Variants in CSE1L observed in about 807,000 individuals in gnomAD.
The protein encoded by CSE1L is chromosome segregation 1 like.
Under a neutral mutation model 120.4 loss-of-function variants are expected in CSE1L, and 24 were observed. The observed-to-expected ratio is 0.20, with a 90% confidence interval of 0.14 to 0.28. CSE1L has a LOEUF of 0.28. Ranked by LOEUF, CSE1L falls within the 10% of genes least tolerant of loss-of-function variation. The pLI, the probability that CSE1L is intolerant of heterozygous loss-of-function variation, is 1.00. For synonymous variants in CSE1L, 402 were observed against 398.3 expected (o/e 1.01, Z -0.11); for missense variants, 830 against 1,145.2 (o/e 0.72, Z 3.97).
intron 19 of CSE1L, among the ~76,000 whole-genome samples, 181 bp from the exon 20 acceptor site, chr20:49,090,561 A>G (rs947970226): frequency 1.3e-4 from 20 of 151,198 alleles, no homozygotes; most frequent in Admixed American, 9.3e-4. Flanking sequence ...CGTCTCAAAG[A>G]AAAAAAAAAT....
chr20:49,096,302 C>A, intron 24 of CSE1L, 47 bp from the exon 25 acceptor site: 1 of 1,440,874 alleles, frequency 6.9e-7, no homozygotes, highest in Non-Finnish European at 9.8e-7. Context: ...TTTGTATTGG[C>A]GCACCAAGAT....
At chr20:49,055,483 G>A (rs142247201) in intron 1 of CSE1L, among the ~76,000 whole-genome samples, 68 of 152,234 alleles carry the variant, frequency 4.5e-4, no homozygotes, top group African/African-American at 1.6e-3. Flanking sequence ...TTGGGATGCC[G>A]AGGCAGGAAA....
chr20:49,085,217 C>T, intron 15 of CSE1L, 66 bp from the exon 16 acceptor site: 2 of 1,203,248 alleles, frequency 1.7e-6, no homozygotes, highest in Non-Finnish European at 2.5e-6. Flanking sequence ...TAGTGGTTGC[C>T]AAGGGTAATC....
In CSE1L at chr20:49,072,399, T is replaced by A; in HGVS notation, c.882T>A (p.Val294=). The change falls in exon 9 of 25, where the codon GTT becomes GTA. Residue 294 remains valine (V), a synonymous_variant. Coordinates refer to ENST00000262982, the MANE Select transcript of CSE1L (RefSeq NM_001316.4). The stretch of plus-strand genomic sequence containing the variant: ...TCCAGCGATACCTGCCTCGTTTTGT[T>A]ACAGCCATCTGGAATTTACTAGTTA... The part of the protein sequence containing the change: ...EEFQRYLPRF[V]TAIWNLLVTT... The A allele has an allele frequency of 6.2e-7, 1 of 1,614,212 alleles. No individual in the cohort carries two copies. Among genetic ancestry groups the A allele is most frequent in the Admixed American group, 1.7e-5 (1 of 60,008 alleles).
At position 49,092,054 on chromosome 20, in the gene CSE1L, G is replaced by A; in HGVS notation, c.2374G>A (p.Val792Ile). ...KTTKFIKSFLVFINLYCIKYG... is the reference protein window; with the variant it reads ...KTTKFIKSFLIFINLYCIKYG... ...GCATCTTCTTTCAACAGGTTTTTTA[G>A]TCTTTATTAATTTGTATTGCATAAA... Residue 792 changes from valine to isoleucine, a missense_variant, in exon 22 of 25, where the codon GTC becomes ATC. Transcript: ENST00000262982. 1 of 1,556,070 alleles carries A rather than the reference G, an allele frequency of 6.4e-7. No homozygotes were observed. Among genetic ancestry groups the A allele is most frequent in the South Asian group, 1.1e-5 (1 of 87,144 alleles).
chr20:49,058,451 A>G lies in CSE1L; in HGVS notation c.-11-2A>G. ...TTATCCAAACCTTATTTTATATTTT[A>G]GATCCTATAGCAATGGAACTCAGCG... On this transcript the variant is annotated splice_acceptor_variant, in intron 1 of 24. Coordinates refer to ENST00000262982, the MANE Select transcript of CSE1L (RefSeq NM_001316.4). LOFTEE classifies it low-confidence loss of function (5UTR_SPLICE). 6.3e-7 allele frequency: 1 copy of G among 1,592,316 alleles called. No homozygotes were observed. Among genetic ancestry groups the G allele is most frequent in the East Asian group, 2.2e-5 (1 of 44,752 alleles).
At chr20:49,080,147 G>A (rs2091999693) in intron 14 of CSE1L, among the ~76,000 whole-genome samples, 2 of 151,978 alleles carry the variant, frequency 1.3e-5, no homozygotes, top group African/African-American at 2.4e-5. Context: ...AAATCTGGGG[G>A]CTTGATTAGA....
intron 8 of CSE1L, 72 bp from the exon 9 acceptor site, chr20:49,072,204 TAGTTCAGGAA>T: frequency 7.1e-7 from 1 of 1,412,490 alleles, no homozygotes; most frequent in Non-Finnish European, 9.8e-7. Context: ...ATAAAGAGTC[TAGTTCAGGAA>T]TTTCAGTTAC....
chr20:49,071,052 C>G (rs2091928050), intron 8 of CSE1L, among the ~76,000 whole-genome samples: 1 of 152,206 alleles, frequency 6.6e-6, no homozygotes, highest in Non-Finnish European at 1.5e-5. Flanking sequence ...AAACATATAA[C>G]ACTTATTCTG....
At chr20:49,050,507 A>G (rs1316202168) in intron 1 of CSE1L, among the ~76,000 whole-genome samples, 2 of 149,586 alleles carry the variant, frequency 1.3e-5, no homozygotes, top group East Asian at 3.9e-4. Flanking sequence ...GGTTCAAGCA[A>G]TTCTCCTGTC....
At chr20:49,061,861 CAG>C (rs1011745021) in intron 2 of CSE1L, among the ~76,000 whole-genome samples, 4 of 151,986 alleles carry the variant, frequency 2.6e-5, no homozygotes, top group East Asian at 1.9e-4. Flanking sequence ...GTATTCAGGA[CAG>C]AGTATAAAAA....
In CSE1L at chr20:49,096,337, C is replaced by T. The variant is rs1272178491; in HGVS notation, c.2827-12C>T. The T allele has an allele frequency of 1.9e-6, 3 of 1,607,550 alleles. No individual in the cohort carries two copies. The highest frequency in any genetic ancestry group is 2.6e-6 in the Non-Finnish European group (3 of 1,174,204). On this transcript the variant is annotated splice_polypyrimidine_tract_variant and intron_variant, in intron 24 of 24. Coordinates refer to ENST00000262982, the MANE Select transcript of CSE1L (RefSeq NM_001316.4). ...TCTCCAACAGCCAGTGTGTGTTTCC[C>T]ATCTCTTGTAGGTTCCATCAATGGT...
chr20:49,085,052 T>C (rs2075679), intron 15 of CSE1L, among the ~76,000 whole-genome samples: 61,444 of 151,992 alleles, frequency 0.4, 12,504 homozygotes, highest in Middle Eastern at 0.51. Flanking sequence ...CAGATGTTGT[T>C]GGGTTTAGCT....
In CSE1L at chr20:49,046,343, G is replaced by C. The variant is rs1014721863; in HGVS notation, c.-92G>C. The C allele has an allele frequency of 1.3e-5, 2 of 152,504 alleles. No individual in the cohort carries two copies. The highest frequency in any genetic ancestry group is 4.8e-5 in the African/African-American group (2 of 41,482). 9.4% of individuals were successfully genotyped at this position (152,504 alleles called of 1,614,324 possible). ...CCATTTTGCCGGGGTTTGAATGTGA[G>C]GCGGAGCGGCGGCAGGAGCGGGTAG... On this transcript the variant is annotated 5_prime_UTR_variant, in exon 1 of 25. Coordinates refer to ENST00000262982, the MANE Select transcript of CSE1L (RefSeq NM_001316.4).
intron 14 of CSE1L, among the ~76,000 whole-genome samples, chr20:49,080,824 A>G (rs1319684101): frequency 2.6e-5 from 4 of 152,106 alleles, no homozygotes; most frequent in Admixed American, 6.6e-5. Context: ...TGGCCAGTCT[A>G]GAGTGAACTA....
chr20:49,056,794 T>A (rs921465549), intron 1 of CSE1L, among the ~76,000 whole-genome samples: 12 of 152,168 alleles, frequency 7.9e-5, no homozygotes, highest in Admixed American at 7.2e-4. Context: ...TTTTGAAATA[T>A]GTATACATTG....
chr20:49,049,111 C>T (rs1161992913), intron 1 of CSE1L, among the ~76,000 whole-genome samples: 2 of 152,098 alleles, frequency 1.3e-5, no homozygotes, highest in African/African-American at 2.4e-5. Flanking sequence ...TATTGTGATG[C>T]TTTTTTAAGT....
Position 49,053,658 on chromosome 20 carries a change from T to C in CSE1L, c.-11-4795T>C, listed in dbSNP as rs903887921. Reference sequence around the variant, plus strand: ...GAGCCACCACACCTGGCCCAAACTTTCATGATTTCATAACTGATCCACCAT... The same window carrying C: ...GAGCCACCACACCTGGCCCAAACTTCCATGATTTCATAACTGATCCACCAT... On this transcript the variant is annotated intron_variant, in intron 1 of 24. Transcript: ENST00000262982. Among the ~76,000 whole-genome samples, 9 of 152,130 alleles carry C rather than the reference T, an allele frequency of 5.9e-5. No individual in the cohort carries two copies. In the East Asian group the frequency reaches 1.5e-3, roughly 26 times the overall value.
chr20:49,047,564 C>CTTTTTTTTTTTT lies in CSE1L; in HGVS notation c.-12+1158_-12+1169dup, dbSNP rs59986218. ...TCTTTTTCTTTTTCTTTTCTCTTTT[C>CTTTTTTTTTTTT]TTTTTTTTTTTTTTTTTTTTTTTTT... On this transcript the variant is annotated intron_variant, in intron 1 of 24. Coordinates refer to ENST00000262982, the MANE Select transcript of CSE1L (RefSeq NM_001316.4). Among the ~76,000 whole-genome samples the CTTTTTTTTTTTT allele has an allele frequency of 5.2e-3, 360 of 69,820 alleles. 44 individuals are homozygous for CTTTTTTTTTTTT. The highest frequency in any genetic ancestry group is 0.011 in the African/African-American group (137 of 12,964). The allele number at this position is 69,820 out of a possible 152,430, so 45.8% of individuals were successfully genotyped here. A position where few individuals can be genotyped will look rare whatever the true frequency, so the allele number is the denominator to read the frequency against.
Sources: allele counts gnomAD v4.1 joint callset (sites outside exome capture counted in the v4.1 genomes callset), GRCh38; gene constraint gnomAD v4.1.1; transcripts MANE v1.5; gene names NCBI Gene and HGNC (gene_info 2026-07-23, HGNC 2026-07-21).